NAALADL2: variants seen among roughly 807,000 people sequenced by gnomAD.
NAALADL2 encodes the protein inactive N-acetylated-alpha-linked acidic dipeptidase-like protein 2.
Under a neutral mutation model 87.2 loss-of-function variants are expected in NAALADL2, and 76 were observed. The observed-to-expected ratio is 0.87, with a 90% CI of 0.72 to 1.05. The LOEUF (loss-of-function observed/expected upper bound fraction) is 1.05. NAALADL2 is among the 50% of genes least tolerant of loss of function. The pLI is 0.00. For synonymous variants in NAALADL2, 354 were observed against 331.0 expected (o/e 1.07, Z -0.75); for missense variants, 1,089 against 945.8 (o/e 1.15, Z -1.99).
At chr3:175,547,251 A>G (rs1235190660) in intron 9 of NAALADL2, among the ~76,000 whole-genome samples, 1 of 152,090 alleles carries the variant, frequency 6.6e-6, no homozygotes, top group Non-Finnish European at 1.5e-5. Context: ...GAGAACCCAG[A>G]AATAAGACTG....
At chr3:174,523,445 C>T (rs1189816963) in intron 1 of NAALADL2, 3 of 152,118 alleles carry the variant, frequency 2.0e-5, no homozygotes, top group Non-Finnish European at 2.9e-5. Context: ...TCAAAAATCA[C>T]CTCCATCAAA....
At chr3:175,091,723 G>A (rs1335819078) in intron 1 of NAALADL2, among the ~76,000 whole-genome samples, 1 of 151,948 alleles carries the variant, frequency 6.6e-6, no homozygotes, top group East Asian at 1.9e-4. Flanking sequence ...TCTTTACGAT[G>A]GAAAAGCTCT....
intron 1 of NAALADL2, among the ~76,000 whole-genome samples, chr3:174,921,372 G>A (rs370396552): frequency 1.3e-5 from 2 of 151,708 alleles, no homozygotes; most frequent in African/African-American, 4.8e-5. Flanking sequence ...TTTATTTTAC[G>A]TGGCCTTTAT....
chr3:175,608,542 C>T (rs1325117106), intron 10 of NAALADL2, among the ~76,000 whole-genome samples: 1 of 151,904 alleles, frequency 6.6e-6, no homozygotes, highest in Non-Finnish European at 1.5e-5. Context: ...TCCTCTCTCC[C>T]AGTGTGTTTT....
chr3:175,527,883 A>G (rs1287895029), intron 9 of NAALADL2, among the ~76,000 whole-genome samples: 2 of 152,176 alleles, frequency 1.3e-5, no homozygotes, highest in African/African-American at 4.8e-5. Flanking sequence ...CTTATTCTAC[A>G]GACAATTCTT....
chr3:175,597,227 A>C (rs1722366547), intron 10 of NAALADL2, among the ~76,000 whole-genome samples: 1 of 152,004 alleles, frequency 6.6e-6, no homozygotes, highest in South Asian at 2.1e-4. Flanking sequence ...CAATTCAGTC[A>C]TTTTTCCTCT....
rs75660083 is a variant in NAALADL2 at position 175,580,813 on chromosome 3, G to T, written c.1800+4626G>T. On this transcript the variant is annotated intron_variant, in intron 10 of 13. Transcript: ENST00000454872. ...ATATGTCATTATTATTTTCAGATCAGACTTGCTTCATTTAGTGCTGGGGTT... is the reference window on the plus strand; with the variant it reads ...ATATGTCATTATTATTTTCAGATCATACTTGCTTCATTTAGTGCTGGGGTT... 9.3e-3 allele frequency among the ~76,000 whole-genome samples: 1,407 copies of T among 152,068 alleles called. 31 individuals are homozygous for T. Among genetic ancestry groups the T allele is most frequent in the African/African-American group, 0.032 (1,345 of 41,490 alleles).
intron 1 of NAALADL2, among the ~76,000 whole-genome samples, chr3:174,503,371 CTTA>C (rs1719018795): frequency 6.6e-6 from 1 of 152,016 alleles, no homozygotes; most frequent in South Asian, 2.1e-4. Flanking sequence ...TGTTTTTCAT[CTTA>C]TTATGCTTAT....
chr3:174,645,823 C>A (rs1490382000), intron 2 of NAALADL2, among the ~76,000 whole-genome samples: 2 of 152,022 alleles, frequency 1.3e-5, no homozygotes, highest in African/African-American at 4.8e-5. Context: ...AGGATGGATT[C>A]AGAATGATAT....
At chr3:175,376,169 A>C (rs1270872683) in intron 5 of NAALADL2, among the ~76,000 whole-genome samples, 2 of 152,084 alleles carry the variant, frequency 1.3e-5, no homozygotes, top group African/African-American at 4.8e-5. Context: ...TGAAAGAAAA[A>C]AAGTATTTTT....
chr3:175,118,129 G>A (rs1176491998), intron 2 of NAALADL2, among the ~76,000 whole-genome samples: 1 of 151,274 alleles, frequency 6.6e-6, no homozygotes, highest in Non-Finnish European at 1.5e-5. Flanking sequence ...GTGGGGGGGA[G>A]GCCAGTCATT....
At chr3:175,698,375 GTATT>G (rs1261775470) in intron 11 of NAALADL2, among the ~76,000 whole-genome samples, 2 of 96,190 alleles carry the variant, frequency 2.1e-5, no homozygotes, top group Non-Finnish European at 3.9e-5. Flanking sequence ...ATATGTATGT[GTATT>G]TATGTATGTA....
At chr3:175,434,761 T>A (rs760343349) in intron 5 of NAALADL2, among the ~76,000 whole-genome samples, 2 of 152,022 alleles carry the variant, frequency 1.3e-5, no homozygotes, top group Non-Finnish European at 2.9e-5. Flanking sequence ...AAGTAAGAGA[T>A]GGAAAGCTTC....
At chr3:174,565,939 T>A (rs191962984) in intron 2 of NAALADL2, among the ~76,000 whole-genome samples, 1 of 152,014 alleles carries the variant, frequency 6.6e-6, no homozygotes, top group Non-Finnish European at 1.5e-5. Context: ...TTATTTTGAC[T>A]ATTGTTATTT....
intron 2 of NAALADL2, among the ~76,000 whole-genome samples, chr3:174,647,807 A>T (rs1052729549): frequency 2.4e-4 from 37 of 152,166 alleles, no homozygotes; most frequent in African/African-American, 8.2e-4. Flanking sequence ...AACCAAATAT[A>T]CTGTATGCCA....
chr3:175,535,427 G>A (rs575144980), intron 9 of NAALADL2, among the ~76,000 whole-genome samples: 19 of 152,176 alleles, frequency 1.2e-4, no homozygotes, highest in South Asian at 2.1e-4. Context: ...TACTCTCCAC[G>A]ACAGTTGTCT....
intron 1 of NAALADL2, among the ~76,000 whole-genome samples, chr3:175,019,701 C>T (rs956347909): frequency 1.2e-4 from 18 of 152,168 alleles, no homozygotes; most frequent in African/African-American, 4.1e-4. Flanking sequence ...TAAGCAGTTG[C>T]TGAGCCTAAC....
chr3:174,729,190 T>C (rs1028813329), intron 2 of NAALADL2, among the ~76,000 whole-genome samples: 1 of 152,044 alleles, frequency 6.6e-6, no homozygotes, highest in African/African-American at 2.4e-5. Flanking sequence ...TGATGTCTCC[T>C]GTCTGATTGG....
At chr3:174,577,180 A>G (rs1408128224) in intron 2 of NAALADL2, among the ~76,000 whole-genome samples, 1 of 152,092 alleles carries the variant, frequency 6.6e-6, no homozygotes, top group African/African-American at 2.4e-5. Flanking sequence ...TTTGATGCAA[A>G]CAATCTGAAT....
Sources: allele counts gnomAD v4.1 joint callset (sites outside exome capture counted in the v4.1 genomes callset), GRCh38; gene constraint gnomAD v4.1.1; transcripts MANE v1.5; gene names NCBI Gene and HGNC (gene_info 2026-07-23, HGNC 2026-07-21).